Variants in KCNG3 observed in about 807,000 individuals in gnomAD.
KCNG3 encodes the protein potassium voltage-gated channel modifier subfamily G member 3.
KCNG3 carries 15 observed loss-of-function variants against 29.0 expected under a neutral mutation model. The observed-to-expected ratio is 0.52, with a 90% CI of 0.35 to 0.80. The LOEUF is 0.80. Among genes scored for constraint, KCNG3 ranks in the 30% least tolerant of loss-of-function variants. The probability of loss-of-function intolerance (pLI) is 0.01; values close to 1 mark genes in which losing one functional copy is unlikely to be tolerated. For synonymous variants in KCNG3, 322 were observed against 248.9 expected (o/e 1.29, Z -2.76); for missense variants, 512 against 605.7 (o/e 0.85, Z 1.62).
chr2:42,475,473 T>C (rs370998916), intron 1 of KCNG3, among the ~76,000 whole-genome samples: 1 of 151,442 alleles, frequency 6.6e-6, no homozygotes, highest in South Asian at 2.1e-4. Context: ...GGATAAGAGG[T>C]GCACATCATT....
At chr2:42,470,367 G>T (rs1673257044) in intron 1 of KCNG3, 2 of 222,444 alleles carry the variant, frequency 9.0e-6, no homozygotes. Context: ...AAAAATACCA[G>T]CCACAGTCAG....
At chr2:42,398,260 T>TAAATAAATAAAATA in the KCNG3 span, among the ~76,000 whole-genome samples, 2 of 124,090 alleles carry the variant, frequency 1.6e-5, no homozygotes, top group East Asian at 2.2e-4. Flanking sequence ...AATAAATAAA[T>TAAATAAATAAAATA]AAATAAAATA....
chr2:42,474,243 T>A (rs1375542797), intron 1 of KCNG3, among the ~76,000 whole-genome samples: 1 of 151,960 alleles, frequency 6.6e-6, no homozygotes, highest in South Asian at 2.1e-4. Flanking sequence ...AAAAACACTG[T>A]TCGGCCAGGC....
chr2:42,437,845 G>A (rs897239475), downstream of KCNG3, among the ~76,000 whole-genome samples: 2 of 151,248 alleles, frequency 1.3e-5, no homozygotes, highest in African/African-American at 4.9e-5. Flanking sequence ...GGCTGAGGCC[G>A]GAGAATTGCT....
intron 1 of KCNG3, among the ~76,000 whole-genome samples, chr2:42,450,273 G>C (rs1226108435): frequency 6.6e-6 from 1 of 152,122 alleles, no homozygotes; most frequent in Non-Finnish European, 1.5e-5. Context: ...CCACACCTTA[G>C]GTCAGATGCA....
the KCNG3 span, among the ~76,000 whole-genome samples, chr2:42,396,263 T>G: frequency 1.3e-5 from 2 of 152,208 alleles, no homozygotes; most frequent in Non-Finnish European, 2.9e-5. Flanking sequence ...CCATCTGTAT[T>G]TATACGTGAA....
chr2:42,413,175 T>C, the KCNG3 span, among the ~76,000 whole-genome samples: 2 of 152,176 alleles, frequency 1.3e-5, no homozygotes, highest in African/African-American at 4.8e-5. Context: ...AATTTATTTC[T>C]ATTTTAATTT....
the KCNG3 span, among the ~76,000 whole-genome samples, chr2:42,397,198 C>T: frequency 1.3e-5 from 2 of 150,598 alleles, no homozygotes; most frequent in Non-Finnish European, 2.9e-5. Context: ...GAGCCAAGAT[C>T]GCACCATTGC....
intron 1 of KCNG3, chr2:42,463,043 T>G (rs878931194): frequency 6.3e-6 from 1 of 158,900 alleles, no homozygotes; most frequent in East Asian, 1.8e-4. Flanking sequence ...GTAGCAATAC[T>G]TGCATCTCAA....
Position 42,493,671 on chromosome 2 carries a change from G to T in KCNG3, c.-170C>A, listed in dbSNP as rs1472445159. The T allele has an allele frequency of 1.7e-5, 8 of 461,954 alleles. No individual in the cohort carries two copies. The highest frequency in any genetic ancestry group is 4.1e-5 in the African/African-American group (2 of 49,052). The allele number at this position is 461,954 out of a possible 1,614,324, so 28.6% of individuals were successfully genotyped here. On this transcript the variant is annotated 5_prime_UTR_variant, in exon 1 of 2. Transcript: ENST00000306078. ...CGCTGGCCCGGGGGTCCCTGGGCTC[G>T]AGTATCTCCGGCGCTGCTAGTAGCG... is the stretch of plus-strand genomic sequence containing the variant.
intron 1 of KCNG3, among the ~76,000 whole-genome samples, chr2:42,475,240 G>A (rs1296754035): frequency 6.6e-6 from 1 of 151,916 alleles, no homozygotes; most frequent in African/African-American, 2.4e-5. Flanking sequence ...CAGGAGGATA[G>A]CCTGAGCCAG....
At chr2:42,460,201 C>CA (rs957649467) in intron 1 of KCNG3, among the ~76,000 whole-genome samples, 18 of 151,244 alleles carry the variant, frequency 1.2e-4, no homozygotes, top group African/African-American at 3.4e-4. Context: ...CTTATCTCTA[C>CA]AAAAAAAATA....
chr2:42,435,037 T>G, the KCNG3 span, among the ~76,000 whole-genome samples: 1 of 152,312 alleles, frequency 6.6e-6, no homozygotes, highest in Admixed American at 6.5e-5. Context: ...GCGCAGTGGC[T>G]CATGCCTGCA....
rs773055232 is a variant in KCNG3 at position 42,493,476 on chromosome 2, G to A, written c.26C>T (p.Ala9Val). Residue 9 changes from alanine (A) to valine (V), a missense_variant, in exon 1 of 2, where the codon GCC becomes GTC. Physicochemically the swap from Ala to Val is moderately conservative, Grantham distance 64. Coordinates refer to ENST00000306078, the MANE Select transcript of KCNG3 (RefSeq NM_133329.6). MTFGRSGA[A>V]SVVLNVGGAR... ...GCCGCCCACGTTCAGCACCACCGAG[G>A]CCGCCCCGCTGCGCCCGAAGGTCAT... is the stretch of plus-strand genomic sequence containing the variant. 10 of 1,429,592 alleles carry A rather than the reference G, an allele frequency of 7.0e-6. No individual in the cohort carries two copies. Among genetic ancestry groups the A allele is most frequent in the African/African-American group, 3.0e-5 (2 of 67,288 alleles). 88.6% of individuals were successfully genotyped at this position (1,429,592 alleles called of 1,614,324 possible). A position where few individuals can be genotyped will look rare whatever the true frequency, so the allele number is the denominator to read the frequency against.
intron 1 of KCNG3, among the ~76,000 whole-genome samples, chr2:42,487,069 A>G (rs956367780): frequency 4.0e-5 from 6 of 150,410 alleles, no homozygotes. Context: ...AGACAGAAGA[A>G]TCGCTTGAAC....
the KCNG3 span, among the ~76,000 whole-genome samples, chr2:42,395,508 A>C: frequency 6.6e-6 from 1 of 152,072 alleles, no homozygotes; most frequent in African/African-American, 2.4e-5. Flanking sequence ...GTGCATTTTT[A>C]CTGTATTGTT....
chr2:42,411,610 G>C, the KCNG3 span, among the ~76,000 whole-genome samples: 1 of 152,082 alleles, frequency 6.6e-6, no homozygotes, highest in Non-Finnish European at 1.5e-5. Context: ...AGCCTCCCTA[G>C]TAGCTGGGCT....
chr2:42,483,567 T>A (rs1673644277), intron 1 of KCNG3, among the ~76,000 whole-genome samples: 2 of 152,216 alleles, frequency 1.3e-5, no homozygotes, highest in African/African-American at 4.8e-5. Context: ...AGTACCTAAA[T>A]CTCAGGCATA....
chr2:42,472,833 TATAG>T (rs1673322326), intron 1 of KCNG3, among the ~76,000 whole-genome samples: 1 of 148,598 alleles, frequency 6.7e-6, no homozygotes, highest in South Asian at 2.1e-4. Context: ...GATATCTATA[TATAG>T]ATATCTATGT....
Sources: allele counts gnomAD v4.1 joint callset (sites outside exome capture counted in the v4.1 genomes callset), GRCh38; gene constraint gnomAD v4.1.1; transcripts MANE v1.5; gene names NCBI Gene and HGNC (gene_info 2026-07-23, HGNC 2026-07-21).